BCAS3: variants seen among roughly 807,000 people sequenced by gnomAD.
BCAS3 encodes BCAS3 microtubule associated cell migration factor.
Under a neutral mutation model 116.1 loss-of-function variants are expected in BCAS3, and 53 were observed. The ratio of observed to expected loss-of-function variants is 0.46; its 90% CI spans 0.37 to 0.57. The LOEUF is 0.57. BCAS3 is among the 20% of genes least tolerant of loss of function. The pLI is 0.00. For synonymous variants in BCAS3, 391 were observed against 408.2 expected, an observed-to-expected ratio of 0.96 and a Z score of 0.51; for missense variants, 917 against 1,165.4, an observed-to-expected ratio of 0.79 and a Z score of 3.10.
At chr17:60,760,859 A>G (rs1299529488) in intron 6 of BCAS3, among the ~76,000 whole-genome samples, 2 of 152,030 alleles carry the variant, frequency 1.3e-5, no homozygotes, top group Non-Finnish European at 2.9e-5. Context: ...ATATTTGGTC[A>G]CTTTTTGTTG....
Position 61,213,257 on chromosome 17 carries a change from G to T in BCAS3, c.2425+128693G>T, listed in dbSNP as rs2081578397. On this transcript the variant is annotated intron_variant, in intron 22 of 23. Coordinates refer to ENST00000407086, the MANE Select transcript of BCAS3 (RefSeq NM_017679.5). This position sits in a 1 kb window ranked among gnomAD's most constrained non-coding sequence, Gnocchi z 5.4. ...CAGTCTTGGCTCACTGCAACCTCTGGTCCCCGGGTTCAAGCGATCCTCCTG... is the reference window on the plus strand; with the variant it reads ...CAGTCTTGGCTCACTGCAACCTCTGTTCCCCGGGTTCAAGCGATCCTCCTG... Among the ~76,000 whole-genome samples, 1 of 151,830 alleles carries T rather than the reference G, an allele frequency of 6.6e-6. No individual in the cohort carries two copies. Among genetic ancestry groups the T allele is most frequent in the African/African-American group, 2.4e-5 (1 of 41,332 alleles).
chr17:60,810,816 C>T (rs1387432283), intron 7 of BCAS3: 5 of 682,462 alleles, frequency 7.3e-6, no homozygotes, highest in Admixed American at 1.8e-5. Context: ...AGAAAAACCT[C>T]GAAGAGGAAG....
chr17:61,000,288 C>A (rs568415043), intron 15 of BCAS3, among the ~76,000 whole-genome samples: 8 of 152,072 alleles, frequency 5.3e-5, no homozygotes, highest in Non-Finnish European at 8.8e-5. Flanking sequence ...ATGACTCTTA[C>A]TATTTTGAGT....
At chr17:60,974,045 C>T (rs1444427065) in intron 14 of BCAS3, among the ~76,000 whole-genome samples, 2 of 152,180 alleles carry the variant, frequency 1.3e-5, no homozygotes, top group African/African-American at 4.8e-5. Flanking sequence ...CATCCCCCCT[C>T]CTACCCAAAT....
intron 22 of BCAS3, among the ~76,000 whole-genome samples, chr17:61,331,161 A>G (rs890621735): frequency 1.3e-5 from 2 of 152,168 alleles, no homozygotes; most frequent in African/African-American, 4.8e-5. Context: ...ATGAAACAGT[A>G]GCAGCCCTAG....
At chr17:60,794,855 C>A (rs768927336) in intron 6 of BCAS3, among the ~76,000 whole-genome samples, 5 of 152,096 alleles carry the variant, frequency 3.3e-5, no homozygotes, top group Non-Finnish European at 7.4e-5. Flanking sequence ...CAGATTGGTT[C>A]TTTTTGCTTA....
At chr17:60,916,647 G>A (rs971292242) in intron 12 of BCAS3, among the ~76,000 whole-genome samples, 5 of 152,178 alleles carry the variant, frequency 3.3e-5, no homozygotes, top group South Asian at 2.1e-4. Context: ...TGTGTTGACC[G>A]ATGTGTGTGT....
At chr17:60,923,827 T>C (rs2059226640) in intron 12 of BCAS3, among the ~76,000 whole-genome samples, 1 of 152,168 alleles carries the variant, frequency 6.6e-6, no homozygotes, top group Non-Finnish European at 1.5e-5. Context: ...TACCTCTGCT[T>C]TTATGATTTC....
chr17:60,760,316 TGATAGGGTATG>T (rs1357982238), intron 6 of BCAS3, among the ~76,000 whole-genome samples: 3 of 152,178 alleles, frequency 2.0e-5, no homozygotes, highest in Admixed American at 6.5e-5. Flanking sequence ...TGCATTTTCA[TGATAGGGTATG>T]TGTTATTCTT....
In BCAS3 at chr17:61,278,225, T is replaced by G. The variant is rs940354386; in HGVS notation, c.2426-90102T>G. ...GCCCAGCTAATTTTTGTATTTTTAGTAGAGACGGGGTTTCACCATGTTGGC... is the reference window on the plus strand; with the variant it reads ...GCCCAGCTAATTTTTGTATTTTTAGGAGAGACGGGGTTTCACCATGTTGGC... On this transcript the variant is annotated intron_variant, in intron 22 of 23. Coordinates refer to ENST00000407086, the MANE Select transcript of BCAS3 (RefSeq NM_017679.5). The surrounding 1 kb of genome is among the most constrained non-coding windows in gnomAD (Gnocchi z 5.8). 6.6e-6 allele frequency among the ~76,000 whole-genome samples: 1 copy of G among 152,162 alleles called. No individual in the cohort carries two copies. Among genetic ancestry groups the G allele is most frequent in the African/African-American group, 2.4e-5 (1 of 41,434 alleles).
Position 61,078,347 on chromosome 17 carries a change from A to G in BCAS3, c.2145A>G (p.Thr715=), listed in dbSNP as rs1259991909. Residue 715 remains threonine (T), a synonymous_variant, in exon 21 of 24, where the codon ACA becomes ACG. Coordinates refer to ENST00000407086, the MANE Select transcript of BCAS3 (RefSeq NM_017679.5). Reference sequence around the variant, plus strand: ...CTCCATTCCAGGTTGAAATTGTAACACACACTGGACCCCATAGACGTCTGT... The same window carrying G: ...CTCCATTCCAGGTTGAAATTGTAACGCACACTGGACCCCATAGACGTCTGT... The part of the protein sequence containing the change: ...EEWLSQVEIV[T]HTGPHRRLWM... 6.2e-7 allele frequency: 1 copy of G among 1,612,348 alleles called. No individual in the cohort carries two copies. The highest frequency in any genetic ancestry group is 1.1e-5 in the South Asian group (1 of 90,664).
intron 22 of BCAS3, among the ~76,000 whole-genome samples, chr17:61,111,641 A>G (rs1240853017): frequency 1.4e-5 from 2 of 147,686 alleles, no homozygotes; most frequent in Non-Finnish European, 3.0e-5. Context: ...GGGAGAATGG[A>G]ACCAAGTTGG....
chr17:61,269,647 T>C (rs528107681), intron 22 of BCAS3, among the ~76,000 whole-genome samples: 2 of 152,308 alleles, frequency 1.3e-5, no homozygotes, highest in African/African-American at 4.8e-5. Context: ...AGTGGCCAAC[T>C]TAATGGGTGT....
At chr17:61,178,322 C>T (rs2079264516) in intron 22 of BCAS3, among the ~76,000 whole-genome samples, 1 of 152,132 alleles carries the variant, frequency 6.6e-6, no homozygotes, top group East Asian at 1.9e-4. Context: ...GATGTACAAG[C>T]AGAAGGCTTA....
At chr17:60,861,512 G>A (rs115118502) in intron 7 of BCAS3, among the ~76,000 whole-genome samples, 154 of 152,240 alleles carry the variant, frequency 1.0e-3, no homozygotes, top group African/African-American at 3.4e-3. Context: ...CTCTGGCTGG[G>A]ACTTCCAGAA....
intron 6 of BCAS3, among the ~76,000 whole-genome samples, chr17:60,781,708 A>G (rs2045851161): frequency 6.6e-6 from 1 of 152,152 alleles, no homozygotes; most frequent in African/African-American, 2.4e-5. Context: ...TCTACCCCTT[A>G]AAACAAATTT....
At chr17:61,197,360 T>C (rs2080541794) in intron 22 of BCAS3, among the ~76,000 whole-genome samples, 1 of 152,190 alleles carries the variant, frequency 6.6e-6, no homozygotes, top group Non-Finnish European at 1.5e-5. Context: ...AGGAAAAGCT[T>C]ACATAATGAA....
chr17:61,234,964 T>C (rs549225261), intron 22 of BCAS3, among the ~76,000 whole-genome samples: 53 of 152,248 alleles, frequency 3.5e-4, no homozygotes, highest in African/African-American at 1.2e-3. Context: ...CTCGGCTCAC[T>C]GCAACTTCCA....
chr17:60,778,479 G>A (rs1598648264), intron 6 of BCAS3, among the ~76,000 whole-genome samples: 1 of 152,158 alleles, frequency 6.6e-6, no homozygotes, highest in South Asian at 2.1e-4. Context: ...ATTTTCAAAT[G>A]AGAATAGAGA....
Sources: gnomAD v4.1 joint callset for allele counts (sites outside exome capture counted in the v4.1 genomes callset) on GRCh38, gnomAD v4.1.1 for gene constraint, Gnocchi (gnomAD v3.1) non-coding constraint, MANE v1.5 for transcripts, NCBI Gene and HGNC (gene_info 2026-07-23, HGNC 2026-07-21) for gene names.